The following GABRR3 variants were observed in gnomAD, a reference collection of about 807,000 sequenced individuals.
GABRR3 encodes gamma-aminobutyric acid type A receptor subunit rho3.
Under a neutral mutation model 43.2 loss-of-function variants are expected in GABRR3, and 29 were observed. The ratio of observed to expected loss-of-function variants is 0.67; its 90% CI spans 0.50 to 0.92. The LOEUF is 0.92. GABRR3 is among the 40% of genes least tolerant of loss of function. The pLI is 0.00. For synonymous variants in GABRR3, 206 were observed against 195.9 expected, an observed-to-expected ratio of 1.05 and a Z score of -0.43; for missense variants, 576 against 572.3, an observed-to-expected ratio of 1.01 and a Z score of -0.07.
chr3:97,988,925 T>C (rs1484706517), intron 9 of GABRR3, among the ~76,000 whole-genome samples: 3 of 127,950 alleles, frequency 2.3e-5, no homozygotes, highest in Non-Finnish European at 5.1e-5. Context: ...AGGGTAGAGG[T>C]AGTGAGTGGG....
chr3:98,028,320 A>G (rs528670234), intron 2 of GABRR3, among the ~76,000 whole-genome samples: 16 of 152,308 alleles, frequency 1.1e-4, no homozygotes, highest in African/African-American at 3.8e-4. Flanking sequence ...ATTTGAAGAA[A>G]TTTTGTTTCA....
intron 7 of GABRR3, among the ~76,000 whole-genome samples, chr3:98,006,911 G>A (rs1429608791): frequency 6.6e-6 from 1 of 152,122 alleles, no homozygotes. Context: ...GTACTATATA[G>A]GCCCAATTTT....
At chr3:98,013,121 A>G (rs1706823559) in intron 4 of GABRR3, among the ~76,000 whole-genome samples, 1 of 152,218 alleles carries the variant, frequency 6.6e-6, no homozygotes. Flanking sequence ...AATCATCCTC[A>G]GCTTGAGAGA....
intron 8 of GABRR3, chr3:97,998,125 A>T (rs1485284069): frequency 1.3e-5 from 2 of 152,174 alleles, no homozygotes; most frequent in East Asian, 1.9e-4. Flanking sequence ...AGAAAATTTC[A>T]TATATGAAAG....
chr3:98,021,214 G>C (rs1442322986), intron 3 of GABRR3, among the ~76,000 whole-genome samples: 1 of 152,048 alleles, frequency 6.6e-6, no homozygotes, highest in Non-Finnish European at 1.5e-5. Flanking sequence ...CTTATTCATG[G>C]GTTTGAGGAA....
At chr3:97,988,086 G>A (rs1472749178) in intron 9 of GABRR3, among the ~76,000 whole-genome samples, 1 of 151,886 alleles carries the variant, frequency 6.6e-6, no homozygotes, top group African/African-American at 2.4e-5. Context: ...GCCCGGATGG[G>A]GCTTGAAGTA....
chr3:98,012,134 C>T (rs75828595), intron 5 of GABRR3, among the ~76,000 whole-genome samples: 444 of 152,250 alleles, frequency 2.9e-3, no homozygotes, highest in African/African-American at 0.01. Flanking sequence ...TCGACATATA[C>T]CCAGAGTGGG....
intron 7 of GABRR3, 82 bp downstream of exon 7, chr3:98,007,682 C>T (rs979397114): frequency 1.7e-5 from 25 of 1,478,456 alleles, no homozygotes; most frequent in African/African-American, 8.4e-5. Flanking sequence ...GCTTGGATTC[C>T]GGTCTTTTCG....
chr3:97,999,883 A>C (rs1457034877), intron 8 of GABRR3: 3 of 152,126 alleles, frequency 2.0e-5, no homozygotes, highest in Non-Finnish European at 4.4e-5. Context: ...AATAATGTCA[A>C]ATGCTGTGGA....
rs145060968 is a variant in GABRR3, at chr3:98,023,381, A to C, written c.238+2186T>G. ...AAAGAGCTTCCAACTGTGGCTCCGGAGTGGCCAGTTTCAAGCCATTCCTGT... is the reference window on the plus strand; with the variant it reads ...AAAGAGCTTCCAACTGTGGCTCCGGCGTGGCCAGTTTCAAGCCATTCCTGT... On this transcript the variant is annotated intron_variant, in intron 3 of 9. Coordinates refer to ENST00000621172, the Ensembl canonical transcript of GABRR3. Among the ~76,000 whole-genome samples the C allele has an allele frequency of 3.5e-3, 526 of 152,218 alleles. 3 individuals are homozygous for C. Among genetic ancestry groups the C allele is most frequent in the African/African-American group, 0.012 (512 of 41,552 alleles).
chr3:98,024,845 T>C (rs1397361143), intron 3 of GABRR3, among the ~76,000 whole-genome samples: 1 of 152,248 alleles, frequency 6.6e-6, no homozygotes, highest in African/African-American at 2.4e-5. Context: ...CCCTCAGTGA[T>C]GCAACTGTGT....
At chr3:98,012,377 A>G (rs1408684680) in exon 5 of GABRR3, 2 of 1,613,944 alleles carry the variant, frequency 1.2e-6, no homozygotes, top group East Asian at 4.5e-5. Context: ...ATCAGGGTGT[A>G]CGCGCAGCAT....
chr3:98,002,824 A>G (rs1706669096), intron 7 of GABRR3, among the ~76,000 whole-genome samples: 2 of 152,186 alleles, frequency 1.3e-5, no homozygotes, highest in Admixed American at 1.3e-4. Context: ...GGTATTGCAG[A>G]GTTGGAAAAC....
chr3:98,017,741 T>G lies in GABRR3; in HGVS notation c.239-19A>C, dbSNP rs1288666189. On this transcript the variant is annotated intron_variant, in intron 3 of 9. Transcript: ENST00000621172. ...GGAGACCCTTAAGAAAGAAGAATGGTTAATATGCTGAGGAATGCATTATAA... is the reference window on the plus strand; with the variant it reads ...GGAGACCCTTAAGAAAGAAGAATGGGTAATATGCTGAGGAATGCATTATAA... The G allele has an allele frequency of 5.1e-6, 8 of 1,554,824 alleles. No homozygotes were observed. Among genetic ancestry groups the G allele is most frequent in the Non-Finnish European group, 6.2e-6 (7 of 1,129,566 alleles).
At chr3:97,993,104 T>C in intron 8 of GABRR3, 56 bp from the exon 9 acceptor site, 1 of 1,386,814 alleles carries the variant, frequency 7.2e-7, no homozygotes, top group Non-Finnish European at 9.8e-7. Flanking sequence ...TTCCAGGATC[T>C]GGTGCTGAAT....
chr3:97,995,720 T>C (rs959692227), intron 8 of GABRR3, among the ~76,000 whole-genome samples: 1 of 152,256 alleles, frequency 6.6e-6, no homozygotes, highest in South Asian at 2.1e-4. Context: ...AGGAGTATTA[T>C]AGTTACATTA....
At chr3:97,986,055 G>A (rs549691089), downstream of GABRR3, among the ~76,000 whole-genome samples, 5 of 152,080 alleles carry the variant, frequency 3.3e-5, no homozygotes, top group African/African-American at 9.6e-5. Flanking sequence ...TAGTAGAGAC[G>A]GGGTTTCACC....
At chr3:98,021,965 C>T (rs759163121) in intron 3 of GABRR3, among the ~76,000 whole-genome samples, 1 of 152,158 alleles carries the variant, frequency 6.6e-6, no homozygotes, top group Non-Finnish European at 1.5e-5. Context: ...CGAGGGAGTG[C>T]ATACTCAGAG....
chr3:98,028,564 C>CT (rs1204330468), intron 2 of GABRR3, among the ~76,000 whole-genome samples: 1 of 152,092 alleles, frequency 6.6e-6, no homozygotes, highest in Non-Finnish European at 1.5e-5. Flanking sequence ...TACCCAGGAA[C>CT]TTTTTACACG....
Sources: allele counts gnomAD v4.1 joint callset (sites outside exome capture counted in the v4.1 genomes callset), GRCh38; gene constraint gnomAD v4.1.1; transcripts MANE v1.5; gene names NCBI Gene and HGNC (gene_info 2026-07-23, HGNC 2026-07-21).